FNDC1: variants seen among roughly 807,000 people sequenced by gnomAD.
FNDC1 encodes the protein fibronectin type III domain-containing protein 1.
A neutral mutation model predicts 168.0 loss-of-function variants in FNDC1; 96 were observed. The ratio of observed to expected loss-of-function variants is 0.57; its 90% CI spans 0.48 to 0.68. The LOEUF is 0.68. Among genes scored for constraint, FNDC1 ranks in the 30% least tolerant of loss-of-function variants. FNDC1 has a pLI of 0.00. For missense variants in FNDC1, 2,587 were observed against 2,482.1 expected, an observed-to-expected ratio of 1.04 and a Z score of -0.90; for synonymous variants, 1,099 against 1,025.9, an observed-to-expected ratio of 1.07 and a Z score of -1.36.
rs745417096 is a variant in FNDC1, at chr6:159,246,926, C to T, written c.4647C>T (p.Asp1549=). 27 of 1,613,142 alleles carry T rather than the reference C, an allele frequency of 1.7e-5. No individual in the cohort carries two copies. The South Asian group carries it at 2.7e-4, about 16-fold the overall frequency. Residue 1549 remains aspartate (D), a synonymous_variant, in exon 15 of 23, where the codon GAC becomes GAT. Coordinates refer to ENST00000297267, the MANE Select transcript of FNDC1 (RefSeq NM_032532.3). ...ATGAGTTCTCAGGCTTGGAGACTGACACTGCAGTACCTACGGAAGAGGCCT... is the reference window on the plus strand; with the variant it reads ...ATGAGTTCTCAGGCTTGGAGACTGATACTGCAGTACCTACGGAAGAGGCCT... The part of the protein sequence containing the change: ...EEDEFSGLET[D]TAVPTEEAYV...
chr6:159,261,114 G>A (rs1777473876), intron 18 of FNDC1, 76 bp from the exon 19 acceptor site: 5 of 1,096,870 alleles, frequency 4.6e-6, no homozygotes, highest in South Asian at 1.3e-5. Flanking sequence ...CAGGTGTTCA[G>A]TAGTTTGGGA....
chr6:159,239,881 G>C lies in FNDC1; in HGVS notation c.4545G>C (p.Gly1515=). The C allele has an allele frequency of 6.5e-7, 1 of 1,545,354 alleles. No homozygotes were observed. The highest frequency in any genetic ancestry group is 8.7e-7 in the Non-Finnish European group (1 of 1,143,576). The part of the protein sequence containing the change: ...PTTPIPTCPP[G]TLERHDDDGN... ...CTCCCATCCCCACCTGTCCCCCTGG[G>C]ACCTTGGAACGGCACGACGATGATG... Residue 1515 remains glycine, a synonymous_variant, in exon 14 of 23, where the codon GGG becomes GGC. Transcript: ENST00000297267.
At chr6:159,225,387 A>G (rs1782930725) in intron 7 of FNDC1, 148 bp from the exon 8 acceptor site, 2 of 619,544 alleles carry the variant, frequency 3.2e-6, no homozygotes, top group Admixed American at 3.0e-5. Flanking sequence ...TTGAGCCAAT[A>G]ACATAGTCAA....
At chr6:159,219,269 G>A (rs913923137) in intron 5 of FNDC1, among the ~76,000 whole-genome samples, 1 of 152,198 alleles carries the variant, frequency 6.6e-6, no homozygotes, top group Non-Finnish European at 1.5e-5. Context: ...TCGAACTCCT[G>A]ACCTCAAATG....
rs1324653291 is a variant in FNDC1 at position 159,234,021 on chromosome 6, A to T, written c.3509A>T (p.Lys1170Met). ...CCTTCCAAGCGGCCCCTGTCCTCCA[A>T]GTCCCAGCAGTCGGTCTCAGCCGAG... The part of the protein sequence containing the change: ...EPPSKRPLSS[K>M]SQQSVSAEDD... The change falls in exon 11 of 23, where the codon AAG becomes ATG. Residue 1170 changes from lysine (K) to methionine (M), a missense_variant. Physicochemically the swap from Lys to Met is moderately conservative, Grantham distance 95. Transcript: ENST00000297267. 1 of 1,610,398 alleles carries T rather than the reference A, an allele frequency of 6.2e-7. No homozygotes were observed. Among genetic ancestry groups the T allele is most frequent in the East Asian group, 2.2e-5 (1 of 44,838 alleles).
At chr6:159,190,628 C>A (rs566277363) in intron 1 of FNDC1, among the ~76,000 whole-genome samples, 1 of 152,172 alleles carries the variant, frequency 6.6e-6, no homozygotes, top group East Asian at 1.9e-4. Flanking sequence ...GGTGGCCACA[C>A]GTTAGAGCCC....
At chr6:159,222,984 ATTTTTTTTTTTT>A (rs201310702) in intron 6 of FNDC1, among the ~76,000 whole-genome samples, 7 of 116,882 alleles carry the variant, frequency 6.0e-5, no homozygotes, top group Admixed American at 9.2e-5. Context: ...TGAAATACTC[ATTTTTTTTTTTT>A]TTTTTTTTTT....
At chr6:159,261,466 G>A (rs182390606) in intron 19 of FNDC1, among the ~76,000 whole-genome samples, 197 bp downstream of exon 19, 6 of 152,090 alleles carry the variant, frequency 3.9e-5, no homozygotes, top group Admixed American at 6.5e-5. Flanking sequence ...TAGTTTTCAC[G>A]GGCTCTCTGA....
chr6:159,174,979 A>C (rs1238138193), intron 1 of FNDC1, among the ~76,000 whole-genome samples: 1 of 152,252 alleles, frequency 6.6e-6, no homozygotes, highest in Non-Finnish European at 1.5e-5. Flanking sequence ...TTATAATTAT[A>C]TACTATGTAT....
At chr6:159,175,384 C>T (rs747347904) in intron 1 of FNDC1, among the ~76,000 whole-genome samples, 3 of 152,120 alleles carry the variant, frequency 2.0e-5, no homozygotes, top group Non-Finnish European at 4.4e-5. Flanking sequence ...TCAGTCTTTG[C>T]GGTCCAGATC....
rs1025279263 is a variant in FNDC1, at chr6:159,249,225, T to C, written c.4834+43T>C. 4 of 1,555,752 alleles carry C rather than the reference T, an allele frequency of 2.6e-6. No homozygotes were observed. In the African/African-American group the frequency reaches 4.1e-5, roughly 16 times the overall value. On this transcript the variant is annotated intron_variant, in intron 16 of 22. Coordinates refer to ENST00000297267, the MANE Select transcript of FNDC1 (RefSeq NM_032532.3). ...AATCAGAGAAACATGGGTTTTTAAC[T>C]TGTGGTCTTTGAAGAAAAACATTAC... is the stretch of plus-strand genomic sequence containing the variant.
At chr6:159,195,513 C>T (rs1782224580) in intron 1 of FNDC1, among the ~76,000 whole-genome samples, 1 of 152,086 alleles carries the variant, frequency 6.6e-6, no homozygotes, top group Admixed American at 6.6e-5. Context: ...TAATAAGAGA[C>T]CAATTCCGAG....
intron 17 of FNDC1, among the ~76,000 whole-genome samples, chr6:159,251,749 G>A (rs1268788197): frequency 6.6e-6 from 1 of 152,230 alleles, no homozygotes; most frequent in Non-Finnish European, 1.5e-5. Context: ...CTGGATGGAA[G>A]TCAGAAGTCC....
Position 159,232,894 on chromosome 6 carries a change from G to A in FNDC1, c.2382G>A (p.Arg794=). The A allele has an allele frequency of 6.2e-7, 1 of 1,612,778 alleles. No homozygotes were observed. Among genetic ancestry groups the A allele is most frequent in the Non-Finnish European group, 8.5e-7 (1 of 1,179,792 alleles). ...SDGESHGDGD[R]EDGGRQAEAT... is the part of the protein sequence containing the mutation. ...GTGAAAGCCACGGTGACGGCGATAG[G>A]GAAGACGGCGGAAGGCAGGCGGAGG... is the stretch of plus-strand genomic sequence containing the variant. Residue 794 remains arginine (R), a synonymous_variant, in exon 11 of 23, where the codon AGG becomes AGA. Coordinates refer to ENST00000297267, the MANE Select transcript of FNDC1 (RefSeq NM_032532.3). This position sits in a 1 kb window ranked among gnomAD's most constrained non-coding sequence, Gnocchi z 4.9.
intron 14 of FNDC1, among the ~76,000 whole-genome samples, chr6:159,243,852 A>G (rs1783484070): frequency 1.3e-5 from 2 of 152,216 alleles, no homozygotes; most frequent in Non-Finnish European, 2.9e-5. Context: ...AAGAACACCA[A>G]AATCACCCAG....
chr6:159,197,613 A>G lies in FNDC1; in HGVS notation c.292A>G (p.Ile98Val). Residue 98 changes from isoleucine to valine, a missense_variant, in exon 2 of 23, where the codon ATT becomes GTT. By Grantham distance (29) the Ile-to-Val change is conservative. Coordinates refer to ENST00000297267, the MANE Select transcript of FNDC1 (RefSeq NM_032532.3). ...KVNAETYSFL[I>V]EDVEPGVVYF... Reference sequence around the variant, plus strand: ...GAATGCGGAGACATACTCCTTCCTTATTGAGGATGTGGGTAAGTGACACTC... The same window carrying G: ...GAATGCGGAGACATACTCCTTCCTTGTTGAGGATGTGGGTAAGTGACACTC... 1 of 1,611,788 alleles carries G rather than the reference A, an allele frequency of 6.2e-7. No homozygotes were observed. The highest frequency in any genetic ancestry group is 8.5e-7 in the Non-Finnish European group (1 of 1,178,992).
chr6:159,222,254 C>T (rs1782843479), intron 6 of FNDC1, among the ~76,000 whole-genome samples: 1 of 152,166 alleles, frequency 6.6e-6, no homozygotes, highest in Non-Finnish European at 1.5e-5. Flanking sequence ...TTCTGGACCA[C>T]ATACCTTAAT....
At chr6:159,189,742 T>G (rs1386100735) in intron 1 of FNDC1, among the ~76,000 whole-genome samples, 1 of 152,248 alleles carries the variant, frequency 6.6e-6, no homozygotes, top group African/African-American at 2.4e-5. Flanking sequence ...CTTTCGGTTT[T>G]GAGCTATAAG....
chr6:159,177,293 A>G (rs1465820083), intron 1 of FNDC1, among the ~76,000 whole-genome samples: 1 of 152,206 alleles, frequency 6.6e-6, no homozygotes, highest in Non-Finnish European at 1.5e-5. Context: ...AGAAGTGTGG[A>G]TAGCGGGTAC....
Sources: gnomAD v4.1 joint callset for allele counts (sites outside exome capture counted in the v4.1 genomes callset) on GRCh38, gnomAD v4.1.1 for gene constraint, Gnocchi (gnomAD v3.1) non-coding constraint, MANE v1.5 for transcripts, NCBI Gene and HGNC (gene_info 2026-07-23, HGNC 2026-07-21) for gene names.